CYFIP2: variants seen among roughly 807,000 people sequenced by gnomAD.
The protein encoded by CYFIP2 is cytoplasmic FMR1 interacting protein 2, also known as cytoplasmic FMR1-interacting protein 2.
A neutral mutation model predicts 158.7 loss-of-function variants in CYFIP2; 29 were observed. The observed-to-expected ratio is 0.18, with a 90% CI of 0.14 to 0.25. The LOEUF (loss-of-function observed/expected upper bound fraction) is 0.25, where lower values mean the gene tolerates loss of function less well. Ranked by LOEUF, CYFIP2 falls within the 10% of genes least tolerant of loss-of-function variation. The pLI, the probability that CYFIP2 is intolerant of heterozygous loss-of-function variation, is 1.00. For missense variants in CYFIP2, 852 were observed against 1,639.5 expected (o/e 0.52, Z 8.29); for synonymous variants, 585 against 617.6 (o/e 0.95, Z 0.78).
intron 15 of CYFIP2, 120 bp from the exon 16 acceptor site, chr5:157,323,801 T>G (rs886370615): frequency 1.7e-6 from 2 of 1,206,092 alleles, no homozygotes; most frequent in Non-Finnish European, 2.2e-6. Context: ...CTTAGGACAG[T>G]GCTTTTTAAG....
chr5:157,286,438 T>C (rs1757385813), intron 2 of CYFIP2, among the ~76,000 whole-genome samples: 1 of 149,880 alleles, frequency 6.7e-6, no homozygotes, highest in Non-Finnish European at 1.5e-5. Flanking sequence ...TGAGTTGGCT[T>C]TTTAACTTAA....
intron 11 of CYFIP2, among the ~76,000 whole-genome samples, chr5:157,313,449 A>G (rs944693717): frequency 6.6e-6 from 1 of 152,210 alleles, no homozygotes; most frequent in African/African-American, 2.4e-5. Flanking sequence ...GGCCATTTTA[A>G]ATTGAACAAT....
chr5:157,360,661 A>T (rs1328226444), intron 25 of CYFIP2, among the ~76,000 whole-genome samples: 1 of 152,190 alleles, frequency 6.6e-6, no homozygotes, highest in Admixed American at 6.5e-5. Flanking sequence ...GGTTATTAGA[A>T]AAGGTATTTA....
intron 1 of CYFIP2, among the ~76,000 whole-genome samples, chr5:157,273,660 G>T (rs1756297847): frequency 6.6e-6 from 1 of 151,998 alleles, no homozygotes; most frequent in Non-Finnish European, 1.5e-5. Context: ...GCCTCTGCTT[G>T]TAGGGGCATC....
intron 26 of CYFIP2, chr5:157,377,089 C>T: frequency 3.2e-6 from 1 of 310,072 alleles, no homozygotes; most frequent in Non-Finnish European, 6.5e-6. Flanking sequence ...TTTGCCGCTA[C>T]TCCTGGCCCT....
At chr5:157,295,378 G>A (rs1392659220) in intron 4 of CYFIP2, among the ~76,000 whole-genome samples, 1 of 152,174 alleles carries the variant, frequency 6.6e-6, no homozygotes, top group Non-Finnish European at 1.5e-5. Context: ...CACACATACA[G>A]ATATTTTTAT....
At chr5:157,342,887 G>T (rs1248145066) in intron 23 of CYFIP2, 1 of 1,613,620 alleles carries the variant, frequency 6.2e-7, no homozygotes, top group South Asian at 1.1e-5. Context: ...AGGCAGTATA[G>T]CGGGTGGGTC....
chr5:157,352,140 C>T (rs533128008), intron 23 of CYFIP2, among the ~76,000 whole-genome samples: 59 of 152,138 alleles, frequency 3.9e-4, no homozygotes, highest in Middle Eastern at 3.2e-3. Flanking sequence ...ACATAGATTG[C>T]GGCATAAAGC....
intron 23 of CYFIP2, chr5:157,343,483 C>T (rs1046121131): frequency 2.6e-5 from 41 of 1,603,474 alleles, no homozygotes; most frequent in South Asian, 1.1e-4. Flanking sequence ...GCTCCGAGGA[C>T]GACCAGGAGA....
At chr5:157,342,800 A>G in intron 23 of CYFIP2, 1 of 1,487,628 alleles carries the variant, frequency 6.7e-7, no homozygotes, top group African/African-American at 1.4e-5. Context: ...ACACATTTGT[A>G]CAAACGACCT....
intron 24 of CYFIP2, among the ~76,000 whole-genome samples, chr5:157,359,850 TAC>T (rs1313555948): frequency 2.6e-5 from 4 of 152,246 alleles, no homozygotes; most frequent in African/African-American, 9.6e-5. Flanking sequence ...CATGGGTTGT[TAC>T]AGATTGTGGA....
intron 3 of CYFIP2, among the ~76,000 whole-genome samples, chr5:157,293,715 C>CA (rs1163990336): frequency 6.6e-6 from 1 of 152,028 alleles, no homozygotes; most frequent in Non-Finnish European, 1.5e-5. Flanking sequence ...ACTGCACAGA[C>CA]AAAACCAATT....
Position 157,370,231 on chromosome 5 carries a change from G to A in CYFIP2, c.3039+8633G>A, listed in dbSNP as rs150983716. 8.9e-4 allele frequency among the ~76,000 whole-genome samples: 136 copies of A among 152,302 alleles called. 3 individuals are homozygous for A. The East Asian group carries it at 0.02, about 22-fold the overall frequency. ...CTTGACTCTGATGTGCAGTCAGAGT[G>A]GAGGATCTCTGATCTAGAAGCATTT... On this transcript the variant is annotated intron_variant, in intron 26 of 30. Coordinates refer to ENST00000620254, the MANE Select transcript of CYFIP2 (RefSeq NM_001037333.3).
intron 28 of CYFIP2, chr5:157,384,810 G>A: frequency 3.4e-6 from 1 of 295,682 alleles, no homozygotes; most frequent in South Asian, 3.2e-5. Context: ...CGTGGTGGCG[G>A]GCACTTGTAA....
chr5:157,334,913 C>T (rs1413704178), intron 21 of CYFIP2, among the ~76,000 whole-genome samples: 1 of 152,190 alleles, frequency 6.6e-6, no homozygotes, highest in East Asian at 1.9e-4. Flanking sequence ...AGTTAATTTC[C>T]TTCATTTGAT....
chr5:157,290,145 G>A (rs1757704373), intron 3 of CYFIP2, among the ~76,000 whole-genome samples: 1 of 152,168 alleles, frequency 6.6e-6, no homozygotes, highest in African/African-American at 2.4e-5. Flanking sequence ...GAGAGTGATA[G>A]TGTTCATTTT....
intron 13 of CYFIP2, among the ~76,000 whole-genome samples, chr5:157,319,075 C>G (rs1046957378): frequency 6.6e-6 from 1 of 152,094 alleles, no homozygotes; most frequent in African/African-American, 2.4e-5. Context: ...AGCCAGAAAC[C>G]TAGAAGGGAG....
At chr5:157,275,910 C>T (rs1309736554) in intron 1 of CYFIP2, among the ~76,000 whole-genome samples, 2 of 152,124 alleles carry the variant, frequency 1.3e-5, no homozygotes, top group Non-Finnish European at 2.9e-5. Context: ...TTTGATGCTA[C>T]TATAAATAGA....
rs373637240 is a variant in CYFIP2, at chr5:157,287,125, C to G, written c.207+17C>G. The G allele has an allele frequency of 6.2e-7, 1 of 1,608,692 alleles. No individual in the cohort carries two copies. The highest frequency in any genetic ancestry group is 1.7e-5 in the Admixed American group (1 of 59,934). ...TCCAGCATGGTAAGTCTCTGTGACC[C>G]ACGTGTGCAGACATGCTCCCTGCTG... On this transcript the variant is annotated intron_variant, in intron 3 of 30. Coordinates refer to ENST00000620254, the MANE Select transcript of CYFIP2 (RefSeq NM_001037333.3).
Sources: allele counts gnomAD v4.1 joint callset (sites outside exome capture counted in the v4.1 genomes callset), GRCh38; gene constraint gnomAD v4.1.1; transcripts MANE v1.5; gene names NCBI Gene and HGNC (gene_info 2026-07-23, HGNC 2026-07-21).